SGCZ: variants seen among roughly 807,000 people sequenced by gnomAD.
SGCZ encodes the protein sarcoglycan zeta, also known as zeta-sarcoglycan.
Under a neutral mutation model 41.3 loss-of-function variants are expected in SGCZ, and 40 were observed. That is an observed-to-expected ratio of 0.97 (90% confidence interval 0.75 to 1.26). SGCZ has a LOEUF of 1.26. SGCZ is among the 50% of genes most tolerant of loss of function. The pLI, the probability that SGCZ is intolerant of heterozygous loss-of-function variation, is 0.00. For synonymous variants in SGCZ, 206 were observed against 137.5 expected, an observed-to-expected ratio of 1.50 and a Z score of -3.49; for missense variants, 552 against 369.8, an observed-to-expected ratio of 1.49 and a Z score of -4.04.
intron 3 of SGCZ, among the ~76,000 whole-genome samples, chr8:14,292,319 C>T (rs1169595854): frequency 2.0e-5 from 3 of 151,896 alleles, no homozygotes; most frequent in African/African-American, 4.8e-5. Flanking sequence ...TACTCAATTA[C>T]GGTTGGTGAA....
At chr8:14,553,553 A>T (rs1403416735) in intron 2 of SGCZ, among the ~76,000 whole-genome samples, 1 of 152,074 alleles carries the variant, frequency 6.6e-6, no homozygotes, top group South Asian at 2.1e-4. Context: ...CCATGAGCAC[A>T]TGCTGTTTTA....
At chr8:14,485,690 A>G (rs939042602) in intron 2 of SGCZ, among the ~76,000 whole-genome samples, 1 of 152,204 alleles carries the variant, frequency 6.6e-6, no homozygotes, top group South Asian at 2.1e-4. Flanking sequence ...AGAAGCTTAT[A>G]TCTGAAAGAT....
At chr8:14,322,859 A>G (rs966821437) in intron 3 of SGCZ, among the ~76,000 whole-genome samples, 24 of 152,194 alleles carry the variant, frequency 1.6e-4, no homozygotes, top group African/African-American at 5.3e-4. Context: ...GTGACTATCA[A>G]TGAAAGTAAG....
chr8:14,732,670 A>G (rs888993378), intron 1 of SGCZ, among the ~76,000 whole-genome samples: 5 of 152,174 alleles, frequency 3.3e-5, no homozygotes, highest in Non-Finnish European at 5.9e-5. Context: ...CTGACAAGTT[A>G]CTTAACCTTT....
chr8:14,117,926 T>TTTTTTTTTTTTTTTTTTTTTTTGA (rs1554460699), intron 5 of SGCZ, among the ~76,000 whole-genome samples: 1 of 150,128 alleles, frequency 6.7e-6, no homozygotes, highest in Non-Finnish European at 1.5e-5. Context: ...ATCCTTTTTA[T>TTTTTTTTTTTTTTTTTTTTTTTGA]GGTTGCTTAG....
At chr8:14,448,766 A>G (rs371688498) in intron 2 of SGCZ, among the ~76,000 whole-genome samples, 8 of 152,222 alleles carry the variant, frequency 5.3e-5, no homozygotes, top group African/African-American at 1.9e-4. Context: ...GGCAAACACC[A>G]CACTCTCCTC....
chr8:14,502,622 C>A (rs746800161), intron 2 of SGCZ, among the ~76,000 whole-genome samples: 20 of 152,028 alleles, frequency 1.3e-4, no homozygotes, highest in Middle Eastern at 3.4e-3. Flanking sequence ...AAAAAAACAA[C>A]CCCATTAAAA....
intron 3 of SGCZ, among the ~76,000 whole-genome samples, 153 bp from the exon 4 acceptor site, chr8:14,237,832 T>C (rs1806824591): frequency 6.6e-6 from 1 of 152,242 alleles, no homozygotes; most frequent in Non-Finnish European, 1.5e-5. Context: ...TGGTGGACAA[T>C]GTACAAAACT....
intron 1 of SGCZ, among the ~76,000 whole-genome samples, chr8:15,222,770 T>C (rs1563192792): frequency 6.6e-6 from 1 of 151,996 alleles, no homozygotes; most frequent in Non-Finnish European, 1.5e-5. Flanking sequence ...TGTGTGTGTG[T>C]CTGTGTGTGT....
At chr8:14,446,505 G>A (rs78973821) in intron 2 of SGCZ, among the ~76,000 whole-genome samples, 144 of 152,268 alleles carry the variant, frequency 9.5e-4, no homozygotes, top group Admixed American at 6.6e-3. Flanking sequence ...GACTTGAAGA[G>A]TGGTAATAAA....
intron 1 of SGCZ, among the ~76,000 whole-genome samples, chr8:14,784,073 T>C (rs1448340824): frequency 6.6e-6 from 1 of 150,390 alleles, no homozygotes. Flanking sequence ...TTTTTTGAGA[T>C]AGGGTCGCTC....
intron 1 of SGCZ, among the ~76,000 whole-genome samples, chr8:14,876,122 T>C (rs1036104055): frequency 2.0e-5 from 3 of 152,060 alleles, no homozygotes; most frequent in Admixed American, 6.6e-5. Context: ...GTGTAGACAA[T>C]AGAGAGATCG....
chr8:14,738,743 G>C (rs2130269365), intron 1 of SGCZ, among the ~76,000 whole-genome samples: 1 of 152,182 alleles, frequency 6.6e-6, no homozygotes, highest in South Asian at 2.1e-4. Flanking sequence ...ATGAAAGTTG[G>C]TTGTTAAACT....
At chr8:14,292,102 G>C (rs1800859274) in intron 3 of SGCZ, among the ~76,000 whole-genome samples, 1 of 152,002 alleles carries the variant, frequency 6.6e-6, no homozygotes, top group African/African-American at 2.4e-5. Context: ...TCAAAATTTA[G>C]TGTTTTATTT....
intron 1 of SGCZ, among the ~76,000 whole-genome samples, chr8:14,558,412 CA>C (rs1804098367): frequency 6.6e-6 from 1 of 151,740 alleles, no homozygotes; most frequent in Non-Finnish European, 1.5e-5. Flanking sequence ...CCATCTCTAC[CA>C]AAAATATAAA....
chr8:14,888,547 A>G (rs1197145364), intron 1 of SGCZ, among the ~76,000 whole-genome samples: 1 of 152,212 alleles, frequency 6.6e-6, no homozygotes, highest in East Asian at 1.9e-4. Context: ...GAAACAATGT[A>G]AGTCCTTATT....
At chr8:15,052,026 T>C in intron 1 of SGCZ, among the ~76,000 whole-genome samples, 1 of 152,048 alleles carries the variant, frequency 6.6e-6, no homozygotes, top group Non-Finnish European at 1.5e-5. Flanking sequence ...TGTCAAAGCT[T>C]GGATGGTGAA....
chr8:14,203,345 A>G (rs1805517650), intron 4 of SGCZ, among the ~76,000 whole-genome samples: 2 of 152,182 alleles, frequency 1.3e-5, no homozygotes, highest in Non-Finnish European at 2.9e-5. Flanking sequence ...ACGTTCATAA[A>G]TGAGAAATTT....
chr8:14,112,270 GTT>G (rs369599896), intron 5 of SGCZ, among the ~76,000 whole-genome samples: 2,077 of 125,660 alleles, frequency 0.017, 24 homozygotes, highest in Middle Eastern at 0.037. Flanking sequence ...AATTTTTTGA[GTT>G]TTTTTTTTTG....
Sources: allele counts gnomAD v4.1 joint callset (sites outside exome capture counted in the v4.1 genomes callset), GRCh38; gene constraint gnomAD v4.1.1; transcripts MANE v1.5; gene names NCBI Gene and HGNC (gene_info 2026-07-23, HGNC 2026-07-21).